SHROOM3: variants seen among roughly 807,000 people sequenced by gnomAD.
SHROOM3 encodes the protein protein Shroom3.
In SHROOM3, 47 loss-of-function variants were observed where a neutral mutation model predicts 138.6. The observed-to-expected ratio is 0.34, with a 90% CI of 0.27 to 0.43. The LOEUF (loss-of-function observed/expected upper bound fraction) is 0.43. SHROOM3 is among the 20% of genes least tolerant of loss of function. The pLI, the probability that SHROOM3 is intolerant of heterozygous loss-of-function variation, is 1.00. For synonymous variants in SHROOM3, 1,062 were observed against 1,063.3 expected (o/e 1.00, Z 0.02); for missense variants, 2,491 against 2,596.5 (o/e 0.96, Z 0.88).
At chr4:76,491,594 A>T (rs942745474) in intron 1 of SHROOM3, among the ~76,000 whole-genome samples, 11 of 152,290 alleles carry the variant, frequency 7.2e-5, no homozygotes, top group Admixed American at 3.9e-4. Flanking sequence ...GGATACCATG[A>T]TGTCATGCGA....
chr4:76,649,404 C>G (rs1309180534), intron 2 of SHROOM3, among the ~76,000 whole-genome samples: 1 of 152,202 alleles, frequency 6.6e-6, no homozygotes, highest in Admixed American at 6.5e-5. Context: ...CTGCTTCTCT[C>G]ATCAAATACC....
chr4:76,697,379 T>A (rs1444069044), intron 2 of SHROOM3, among the ~76,000 whole-genome samples: 1 of 151,750 alleles, frequency 6.6e-6, no homozygotes, highest in African/African-American at 2.4e-5. Flanking sequence ...TGAGGGGAGG[T>A]AGTTTCTAGT....
chr4:76,484,215 T>C (rs1731679851), intron 1 of SHROOM3, among the ~76,000 whole-genome samples: 1 of 152,110 alleles, frequency 6.6e-6, no homozygotes. Context: ...TAGCAATTTC[T>C]ATCAAGGCAA....
Position 76,657,120 on chromosome 4 carries a change from T to C in SHROOM3, c.324-53036T>C, listed in dbSNP as rs1437470306. Among the ~76,000 whole-genome samples, 4 of 152,000 alleles carry C rather than the reference T, an allele frequency of 2.6e-5. No homozygotes were observed. In the South Asian group the frequency reaches 8.3e-4, roughly 32 times the overall value. On this transcript the variant is annotated intron_variant, in intron 2 of 10. Coordinates refer to ENST00000296043, the MANE Select transcript of SHROOM3 (RefSeq NM_020859.4). The stretch of plus-strand genomic sequence containing the variant: ...TGAACCCAAGAGATGAAGGTTGCAG[T>C]GAGCCGAGATCATGCCATTGAACTC...
At chr4:76,483,432 CAA>C (rs1731660285) in intron 1 of SHROOM3, among the ~76,000 whole-genome samples, 1 of 152,124 alleles carries the variant, frequency 6.6e-6, no homozygotes, top group African/African-American at 2.4e-5. Flanking sequence ...AAATGCAAAT[CAA>C]AACCACAATG....
At position 76,732,464 on chromosome 4, in the gene SHROOM3, C is replaced by A. The variant is rs74865560; in HGVS notation, c.587+1529C>A. The stretch of plus-strand genomic sequence containing the variant: ...ACAGGACAAACCTCTCTCAGCATAT[C>A]AGGGTAGGATTCAGGCCACAGGAAG... On this transcript the variant is annotated intron_variant, in intron 4 of 10. Transcript: ENST00000296043. 4.4e-3 allele frequency among the ~76,000 whole-genome samples: 666 copies of A among 152,306 alleles called. 3 individuals carry two copies. Among genetic ancestry groups the A allele is most frequent in the African/African-American group, 0.015 (638 of 41,564 alleles).
chr4:76,461,195 T>A (rs1042755752), intron 1 of SHROOM3, among the ~76,000 whole-genome samples: 11 of 152,106 alleles, frequency 7.2e-5, no homozygotes, highest in African/African-American at 2.4e-4. Flanking sequence ...CCTAACATAA[T>A]GCTCTCTACT....
intron 5 of SHROOM3, among the ~76,000 whole-genome samples, 170 bp from the exon 6 acceptor site, chr4:76,748,847 G>T (rs1721533644): frequency 7.0e-6 from 1 of 141,878 alleles, no homozygotes; most frequent in Admixed American, 7.2e-5. Context: ...TAAATCTTCG[G>T]CTTATCTCCT....
chr4:76,753,552 G>A (rs572365229), intron 6 of SHROOM3, among the ~76,000 whole-genome samples: 7 of 152,354 alleles, frequency 4.6e-5, no homozygotes, highest in Non-Finnish European at 1.0e-4. Context: ...CTCTTGCATA[G>A]CAGGTAGTGC....
At chr4:76,495,596 C>T (rs534589182) in intron 1 of SHROOM3, among the ~76,000 whole-genome samples, 1 of 152,334 alleles carries the variant, frequency 6.6e-6, no homozygotes, top group Admixed American at 6.5e-5. Flanking sequence ...TAATGAATCC[C>T]TGTCTCTGAC....
chr4:76,776,081 A>G (rs1010916611), intron 10 of SHROOM3, among the ~76,000 whole-genome samples: 1 of 152,116 alleles, frequency 6.6e-6, no homozygotes, highest in Non-Finnish European at 1.5e-5. Flanking sequence ...GTGCTAGTTT[A>G]CATCCCCACC....
chr4:76,572,710 G>T (rs749254922), intron 2 of SHROOM3, among the ~76,000 whole-genome samples: 76 of 152,264 alleles, frequency 5.0e-4, no homozygotes, highest in Non-Finnish European at 6.6e-4. Context: ...ACAGTGTACG[G>T]GTTTGCCCCT....
At chr4:76,468,978 G>T (rs1363026538) in intron 1 of SHROOM3, among the ~76,000 whole-genome samples, 1 of 151,068 alleles carries the variant, frequency 6.6e-6, no homozygotes, top group African/African-American at 2.4e-5. Flanking sequence ...AGCTTGCAGT[G>T]AGCTGAGATG....
At chr4:76,614,033 TTTTG>T (rs71212434) in intron 2 of SHROOM3, among the ~76,000 whole-genome samples, 39,424 of 150,270 alleles carry the variant, frequency 0.26, 5,622 homozygotes, top group East Asian at 0.44. Flanking sequence ...TCGTTTTTTG[TTTTG>T]TTTGTTTGTT....
At chr4:76,556,912 C>G (rs1304786749) in intron 2 of SHROOM3, among the ~76,000 whole-genome samples, 1 of 152,122 alleles carries the variant, frequency 6.6e-6, no homozygotes, top group East Asian at 1.9e-4. Context: ...TAGTGACTCT[C>G]CCTAGTGTGC....
intron 1 of SHROOM3, among the ~76,000 whole-genome samples, chr4:76,539,189 G>A (rs1733044316): frequency 6.6e-6 from 1 of 152,156 alleles, no homozygotes; most frequent in African/African-American, 2.4e-5. Context: ...ACATGTGTGT[G>A]TCAAACTCCA....
At chr4:76,642,830 G>T (rs1417842665) in intron 2 of SHROOM3, among the ~76,000 whole-genome samples, 1 of 151,992 alleles carries the variant, frequency 6.6e-6, no homozygotes, top group African/African-American at 2.4e-5. Context: ...GGGAATAAAT[G>T]TTAGGATTCT....
chr4:76,735,567 C>T (rs958592483), intron 4 of SHROOM3, among the ~76,000 whole-genome samples: 2 of 151,614 alleles, frequency 1.3e-5, no homozygotes, highest in Non-Finnish European at 2.9e-5. Flanking sequence ...AGGCTGGGCA[C>T]GGTGGCTCAC....
intron 1 of SHROOM3, among the ~76,000 whole-genome samples, chr4:76,508,646 G>A (rs1732264601): frequency 6.6e-6 from 1 of 152,120 alleles, no homozygotes; most frequent in Non-Finnish European, 1.5e-5. Flanking sequence ...GGGGAATATT[G>A]CCATCTTAAC....
Sources: gnomAD v4.1 joint callset for allele counts (sites outside exome capture counted in the v4.1 genomes callset) on GRCh38, gnomAD v4.1.1 for gene constraint, MANE v1.5 for transcripts, NCBI Gene and HGNC (gene_info 2026-07-23, HGNC 2026-07-21) for gene names.